NKTR: variants seen among roughly 807,000 people sequenced by gnomAD.
The protein encoded by NKTR is natural killer cell triggering receptor.
A neutral mutation model predicts 156.3 loss-of-function variants in NKTR; 67 were observed. The observed-to-expected ratio is 0.43, with a 90% CI of 0.35 to 0.53. The LOEUF (loss-of-function observed/expected upper bound fraction) is 0.53. Among genes scored for constraint, NKTR ranks in the 20% least tolerant of loss-of-function variants. The pLI, the probability that NKTR is intolerant of heterozygous loss-of-function variation, is 0.01. For synonymous variants in NKTR, 640 were observed against 596.6 expected, an observed-to-expected ratio of 1.07 and a Z score of -1.06; for missense variants, 1,604 against 1,730.9, an observed-to-expected ratio of 0.93 and a Z score of 1.30.
chr3:42,613,904 A>G (rs1416146523), intron 2 of NKTR, among the ~76,000 whole-genome samples: 2 of 152,224 alleles, frequency 1.3e-5, no homozygotes, highest in Non-Finnish European at 2.9e-5. Context: ...AAAGCAACAT[A>G]CTAATGTTTA....
At position 42,638,297 on chromosome 3, in the gene NKTR, C is replaced by A. The variant is rs776165497; in HGVS notation, c.2593C>A (p.Leu865Ile). The A allele has an allele frequency of 6.2e-7, 1 of 1,606,710 alleles. No homozygotes were observed. Among genetic ancestry groups the A allele is most frequent in the Non-Finnish European group, 8.5e-7 (1 of 1,178,132 alleles). ...AAAAAAAAGAACTTTGAAAGAGAAT[C>A]TTTCTGATCACCTTAGAAATGGCAG... ...HSKKRTLKEN[L>I]SDHLRNGSKP... is the part of the protein sequence containing the mutation. The change falls in exon 13 of 17, where the codon CTT becomes ATT. Residue 865 changes from leucine to isoleucine, a missense_variant. Coordinates refer to ENST00000232978, the MANE Select transcript of NKTR (RefSeq NM_005385.4).
intron 14 of NKTR, 89 bp downstream of exon 14, chr3:42,642,685 A>T: frequency 1.1e-6 from 1 of 898,310 alleles, no homozygotes; most frequent in Middle Eastern, 2.2e-4. Flanking sequence ...GTTGAGAAGA[A>T]TCATGTCATT....
intron 7 of NKTR, chr3:42,630,781 A>C: frequency 7.3e-7 from 1 of 1,376,300 alleles, no homozygotes; most frequent in Non-Finnish European, 9.4e-7. Context: ...GTGCTCATGG[A>C]TGGGCTTCTC....
rs1323073399 is a variant in NKTR, at chr3:42,637,156, T to C, written c.1452T>C (p.Ser484=). 10 of 1,611,736 alleles carry C rather than the reference T, an allele frequency of 6.2e-6. No homozygotes were observed. Among genetic ancestry groups the C allele is most frequent in the African/African-American group, 1.3e-5 (1 of 74,668 alleles). ...AATCCTCTTGTGATAGAGAAAGGAGTTCTCGTTCTTCCTCATTGTCATCTC... is the reference window on the plus strand; with the variant it reads ...AATCCTCTTGTGATAGAGAAAGGAGCTCTCGTTCTTCCTCATTGTCATCTC... ...RMKSSCDRER[S]SRSSSLSSHH... is the part of the protein sequence containing the mutation. The change falls in exon 13 of 17, where the codon AGT becomes AGC. Residue 484 remains serine (S), a synonymous_variant. Coordinates refer to ENST00000232978, the MANE Select transcript of NKTR (RefSeq NM_005385.4).
At chr3:42,619,172 T>G (rs747475439) in intron 4 of NKTR, 45 bp downstream of exon 4, 2 of 1,581,942 alleles carry the variant, frequency 1.3e-6, no homozygotes, top group East Asian at 4.5e-5. Context: ...CTATCAGTTT[T>G]TAAAGTATTT....
At chr3:42,609,156 T>TAGAACA (rs1706531845) in intron 2 of NKTR, among the ~76,000 whole-genome samples, 1 of 150,658 alleles carries the variant, frequency 6.6e-6, no homozygotes, top group Non-Finnish European at 1.5e-5. Context: ...AAAGATCAAA[T>TAGAACA]AGAACAAAAG....
chr3:42,617,475 T>C (rs1481785299), intron 2 of NKTR, 95 bp from the exon 3 acceptor site: 1 of 642,566 alleles, frequency 1.6e-6, no homozygotes, highest in Non-Finnish European at 2.8e-6. Context: ...ATTACAAAAA[T>C]AGACTTTCTA....
chr3:42,623,364 G>A lies in NKTR; in HGVS notation c.374+1848G>A, dbSNP rs542298150. ...GTTTGAAATTTCCTTCTGGAAAGGGGTTTGCAGTCCCTTTGGAAAGGAGTA... is the reference window on the plus strand; with the variant it reads ...GTTTGAAATTTCCTTCTGGAAAGGGATTTGCAGTCCCTTTGGAAAGGAGTA... On this transcript the variant is annotated intron_variant, in intron 6 of 16. Transcript: ENST00000232978. 3.1e-3 allele frequency among the ~76,000 whole-genome samples: 467 copies of A among 152,120 alleles called. 1 individual carries two copies. The highest frequency in any genetic ancestry group is 4.9e-3 in the Admixed American group (75 of 15,266).
chr3:42,640,632 C>T lies in NKTR; in HGVS notation c.4046+882C>T, dbSNP rs78473054. 2.8e-4 allele frequency among the ~76,000 whole-genome samples: 43 copies of T among 152,362 alleles called. 1 individual carries two copies. The East Asian group carries it at 8.3e-3, about 29-fold the overall frequency. ...TAAAAAAGGAACCGCCACGTGCCAT[C>T]TATACTCGGTCTCCCATTTTCTCCT... is the stretch of plus-strand genomic sequence containing the variant. On this transcript the variant is annotated intron_variant, in intron 13 of 16. Transcript: ENST00000232978.
intron 4 of NKTR, 135 bp from the exon 5 acceptor site, chr3:42,619,529 C>G (rs1707711946): frequency 3.6e-5 from 55 of 1,512,712 alleles, no homozygotes; most frequent in Non-Finnish European, 4.8e-5. Context: ...TAATTGAGGA[C>G]TCTGAGAATT....
At chr3:42,601,610 A>G (rs1199281112) in intron 2 of NKTR, 3 of 152,288 alleles carry the variant, frequency 2.0e-5, no homozygotes, top group African/African-American at 4.8e-5. Context: ...TGCAGCATGC[A>G]TGCACTTAGC....
Position 42,631,193 on chromosome 3 carries a change from G to A in NKTR, c.427G>A (p.Val143Ile). Residue 143 changes from valine to isoleucine, a missense_variant, in exon 8 of 17, where the codon GTT (valine) becomes ATT (isoleucine). Transcript: ENST00000232978. ...LDGVHVVFGL[V>I]ISGFEVIEQI... is the part of the protein sequence containing the mutation. ...CAGGGTGCATGTAGTCTTTGGACTG[G>A]TTATTTCTGGTTTTGAAGTAATCGA... 1 of 1,614,018 alleles carries A rather than the reference G, an allele frequency of 6.2e-7. No homozygotes were observed. Among genetic ancestry groups the A allele is most frequent in the South Asian group, 1.1e-5 (1 of 91,066 alleles).
chr3:42,601,288 G>C, intron 2 of NKTR: 1 of 402,862 alleles, frequency 2.5e-6, no homozygotes, highest in Non-Finnish European at 4.5e-6. Context: ...ACACCCCGCT[G>C]CATCTCCGGA....
chr3:42,630,934 C>T lies in NKTR; in HGVS notation c.405-237C>T, dbSNP rs1281418833. 4 of 1,390,406 alleles carry T rather than the reference C, an allele frequency of 2.9e-6. No individual in the cohort carries two copies. In the East Asian group the frequency reaches 8.0e-5, roughly 28 times the overall value. The allele number at this position is 1,390,406 out of a possible 1,614,324, so 86.1% of individuals were successfully genotyped here. ...TCTGAATGTTACCAGACTCTTTACCCTAAAATGGTTAAGAACCATTGTTTT... is the reference window on the plus strand; with the variant it reads ...TCTGAATGTTACCAGACTCTTTACCTTAAAATGGTTAAGAACCATTGTTTT... On this transcript the variant is annotated intron_variant, in intron 7 of 16. Transcript: ENST00000232978.
Position 42,600,739 on chromosome 3 carries a change from T to C in NKTR, c.-63T>C, listed in dbSNP as rs1319170493. Reference sequence around the variant, plus strand: ...TTGGCTGCAGTGGCAGTGCTTTCTCTTCTGCTCACGGGGACCCGCTCAGGC... The same window carrying C: ...TTGGCTGCAGTGGCAGTGCTTTCTCCTCTGCTCACGGGGACCCGCTCAGGC... On this transcript the variant is annotated 5_prime_UTR_variant, in exon 1 of 17. Coordinates refer to ENST00000232978, the MANE Select transcript of NKTR (RefSeq NM_005385.4). 2 of 326,726 alleles carry C rather than the reference T, an allele frequency of 6.1e-6. No homozygotes were observed. Among genetic ancestry groups the C allele is most frequent in the Non-Finnish European group, 1.1e-5 (2 of 178,624 alleles). The allele number at this position is 326,726 out of a possible 1,614,324, so 20.2% of individuals were successfully genotyped here. A position where few individuals can be genotyped will look rare whatever the true frequency, so the allele number is the denominator to read the frequency against.
At chr3:42,604,483 C>T (rs911403601) in intron 2 of NKTR, among the ~76,000 whole-genome samples, 2 of 151,490 alleles carry the variant, frequency 1.3e-5, no homozygotes, top group Non-Finnish European at 2.9e-5. Context: ...ACATTCTGCA[C>T]TTGAATGTAC....
At chr3:42,630,879 G>A in intron 7 of NKTR, 1 of 1,365,506 alleles carries the variant, frequency 7.3e-7, no homozygotes, top group Non-Finnish European at 9.4e-7. Context: ...ATGTGTCCCT[G>A]TAAGGAAGGT....
chr3:42,618,038 C>T (rs988677905), intron 3 of NKTR, among the ~76,000 whole-genome samples: 24 of 152,110 alleles, frequency 1.6e-4, no homozygotes, highest in African/African-American at 5.3e-4. Context: ...AGGGAAACAT[C>T]TATAATGTTA....
chr3:42,630,498 G>A (rs1251655384), intron 6 of NKTR, 48 bp from the exon 7 acceptor site: 2 of 1,612,340 alleles, frequency 1.2e-6, no homozygotes, highest in Non-Finnish European at 1.7e-6. Context: ...CTCTTCACCT[G>A]AACACATCGT....
Sources: allele counts gnomAD v4.1 joint callset (sites outside exome capture counted in the v4.1 genomes callset), GRCh38; gene constraint gnomAD v4.1.1; transcripts MANE v1.5; gene names NCBI Gene and HGNC (gene_info 2026-07-23, HGNC 2026-07-21).